Variants in ANKS1B observed in about 807,000 individuals in gnomAD.
ANKS1B encodes the protein ankyrin repeat and sterile alpha motif domain containing 1B.
A neutral mutation model predicts 148.3 loss-of-function variants in ANKS1B; 36 were observed. The observed-to-expected ratio is 0.24, with a 90% CI of 0.19 to 0.32. The LOEUF (loss-of-function observed/expected upper bound fraction) is 0.32. ANKS1B is among the 10% of genes least tolerant of loss of function. ANKS1B has a pLI of 1.00. For synonymous variants in ANKS1B, 542 were observed against 560.8 expected (o/e 0.97, Z 0.47); for missense variants, 1,157 against 1,542.6 (o/e 0.75, Z 4.19).
At chr12:99,082,195 G>A (rs573171268) in intron 16 of ANKS1B, among the ~76,000 whole-genome samples, 1 of 152,234 alleles carries the variant, frequency 6.6e-6, no homozygotes, top group African/African-American at 2.4e-5. Flanking sequence ...CTTCCTGAGG[G>A]TGAGATGGAA....
intron 9 of ANKS1B, among the ~76,000 whole-genome samples, chr12:99,583,734 T>C (rs2097594230): frequency 6.6e-6 from 1 of 152,226 alleles, no homozygotes; most frequent in African/African-American, 2.4e-5. Context: ...GATCAACAAA[T>C]ATTTATGAAA....
intron 10 of ANKS1B, among the ~76,000 whole-genome samples, chr12:99,500,668 T>A (rs987917066): frequency 6.6e-6 from 1 of 152,150 alleles, no homozygotes; most frequent in Non-Finnish European, 1.5e-5. Context: ...CAGGTAAGGT[T>A]AAGTACTCCC....
At chr12:98,974,711 CA>C (rs2099889713) in intron 17 of ANKS1B, among the ~76,000 whole-genome samples, 2 of 152,108 alleles carry the variant, frequency 1.3e-5, no homozygotes, top group South Asian at 4.2e-4. Context: ...GCCTCGTAGA[CA>C]AATCTTAGAT....
rs75655319 is a variant in ANKS1B at position 99,607,376 on chromosome 12, CT to C, written c.1272+47690del. 6.4e-3 allele frequency among the ~76,000 whole-genome samples: 930 copies of C among 145,940 alleles called. 16 individuals carry two copies. The highest frequency in any genetic ancestry group is 0.052 in the South Asian group (238 of 4,584). The stretch of plus-strand genomic sequence containing the variant: ...AGTTAAAAGTTAAATGTAGTTTTTC[CT>C]TTTTTTTTTTCCCCCATGACTCATA... On this transcript the variant is annotated intron_variant, in intron 9 of 26. Coordinates refer to ENST00000683438, the MANE Select transcript of ANKS1B (RefSeq NM_001352186.2).
At chr12:98,913,371 TG>T (rs2099789341) in intron 17 of ANKS1B, among the ~76,000 whole-genome samples, 1 of 152,164 alleles carries the variant, frequency 6.6e-6, no homozygotes, top group African/African-American at 2.4e-5. Context: ...CCTACTTCTC[TG>T]GCCTCCCCTT....
chr12:99,627,231 G>A (rs1363941152), intron 9 of ANKS1B, among the ~76,000 whole-genome samples: 1 of 152,010 alleles, frequency 6.6e-6, no homozygotes, highest in Non-Finnish European at 1.5e-5. Flanking sequence ...ATACACAATT[G>A]AGATGTTCTT....
chr12:99,159,886 A>G (rs1174587097), intron 14 of ANKS1B, among the ~76,000 whole-genome samples: 1 of 152,144 alleles, frequency 6.6e-6, no homozygotes, highest in Non-Finnish European at 1.5e-5. Context: ...CCTCACCAGC[A>G]GCTATTATTA....
chr12:99,596,746 G>T (rs1222703823), intron 9 of ANKS1B, among the ~76,000 whole-genome samples: 1 of 151,870 alleles, frequency 6.6e-6, no homozygotes, highest in Admixed American at 6.6e-5. Context: ...AATCCTATAT[G>T]TAAACATTAC....
At chr12:99,743,979 T>C (rs2060353717) in intron 8 of ANKS1B, among the ~76,000 whole-genome samples, 1 of 152,220 alleles carries the variant, frequency 6.6e-6, no homozygotes, top group African/African-American at 2.4e-5. Context: ...CCAATGGTGA[T>C]ACCAGAAAGA....
chr12:99,376,271 T>C (rs1162554243), intron 12 of ANKS1B, among the ~76,000 whole-genome samples: 1 of 152,206 alleles, frequency 6.6e-6, no homozygotes, highest in Non-Finnish European at 1.5e-5. Flanking sequence ...CTGATTTAAA[T>C]TCCTTAGCAT....
At chr12:99,018,273 G>A (rs906100797) in intron 17 of ANKS1B, among the ~76,000 whole-genome samples, 1 of 152,198 alleles carries the variant, frequency 6.6e-6, no homozygotes, top group Admixed American at 6.5e-5. Context: ...AGGCCCAAGG[G>A]AGCTTGTTTG....
chr12:99,147,922 C>T (rs1364532885), intron 15 of ANKS1B, among the ~76,000 whole-genome samples: 1 of 151,728 alleles, frequency 6.6e-6, no homozygotes, highest in Non-Finnish European at 1.5e-5. Context: ...GAAGAACAAG[C>T]AGGGGGCAGG....
chr12:99,296,975 G>A (rs1397889950), intron 12 of ANKS1B, among the ~76,000 whole-genome samples: 1 of 152,068 alleles, frequency 6.6e-6, no homozygotes, highest in East Asian at 1.9e-4. Flanking sequence ...CTAGATTATG[G>A]CATTTCAGAA....
intron 1 of ANKS1B, among the ~76,000 whole-genome samples, chr12:99,951,599 G>C (rs566297705): frequency 6.6e-6 from 1 of 152,182 alleles, no homozygotes; most frequent in East Asian, 1.9e-4. Context: ...TTTGGAGCTA[G>C]TGCAGTGGCT....
intron 14 of ANKS1B, among the ~76,000 whole-genome samples, chr12:99,242,387 TAA>T (rs2089509478): frequency 6.6e-6 from 1 of 152,004 alleles, no homozygotes. Flanking sequence ...CTCAATGAAA[TAA>T]AAGAGGACAC....
intron 12 of ANKS1B, among the ~76,000 whole-genome samples, chr12:99,299,992 T>C (rs1309158338): frequency 6.6e-6 from 1 of 152,192 alleles, no homozygotes; most frequent in Non-Finnish European, 1.5e-5. Context: ...TCAATACAGA[T>C]GGCTGTAATC....
chr12:99,833,646 G>A (rs1603234456), intron 1 of ANKS1B, among the ~76,000 whole-genome samples: 1 of 152,156 alleles, frequency 6.6e-6, no homozygotes, highest in East Asian at 1.9e-4. Context: ...AGAACACTAG[G>A]TTGCTTGGAG....
chr12:99,492,015 G>C (rs747309151), intron 10 of ANKS1B, among the ~76,000 whole-genome samples: 1 of 151,758 alleles, frequency 6.6e-6, no homozygotes, highest in African/African-American at 2.4e-5. Context: ...AGAACCAAGG[G>C]CACCCCCAAA....
chr12:99,758,619 C>T (rs546648624), intron 8 of ANKS1B, among the ~76,000 whole-genome samples: 1 of 151,904 alleles, frequency 6.6e-6, no homozygotes, highest in Admixed American at 6.6e-5. Flanking sequence ...ACTATTGTTA[C>T]CATTTTTCAG....
Sources: allele counts gnomAD v4.1 joint callset (sites outside exome capture counted in the v4.1 genomes callset), GRCh38; gene constraint gnomAD v4.1.1; transcripts MANE v1.5; gene names NCBI Gene and HGNC (gene_info 2026-07-23, HGNC 2026-07-21).